ADGRV1: variants seen among roughly 807,000 people sequenced by gnomAD.
ADGRV1 encodes the protein adhesion G protein-coupled receptor V1, also known as G-protein coupled receptor 98.
Under a neutral mutation model 596.2 loss-of-function variants are expected in ADGRV1, and 359 were observed. The ratio of observed to expected loss-of-function variants is 0.60; its 90% CI spans 0.55 to 0.66. ADGRV1 has a LOEUF of 0.66. Ranked by LOEUF, ADGRV1 falls within the 30% of genes least tolerant of loss-of-function variation. The pLI is 0.00. For synonymous variants in ADGRV1, 2,681 were observed against 2,679.2 expected (o/e 1.00, Z -0.02); for missense variants, 7,274 against 7,575.6 (o/e 0.96, Z 1.48).
At chr5:91,011,667 A>AATAACT (rs1322199206) in intron 85 of ADGRV1, among the ~76,000 whole-genome samples, 4 of 151,980 alleles carry the variant, frequency 2.6e-5, no homozygotes, top group African/African-American at 9.7e-5. Context: ...TCTAACTAGT[A>AATAACT]TCATCATTAT....
At chr5:90,867,480 A>G (rs779834858) in intron 83 of ADGRV1, among the ~76,000 whole-genome samples, 1 of 152,144 alleles carries the variant, frequency 6.6e-6, no homozygotes, top group Non-Finnish European at 1.5e-5. Context: ...GTCATTTTGC[A>G]ATGTCCTGTT....
At position 90,873,314 on chromosome 5, in the gene ADGRV1, G is replaced by A. The variant is rs60554605; in HGVS notation, c.17856+9457G>A. ...TCTGCCAGGATGGGGGAGGAGCTTG[G>A]TTTCAGGCACTATGTTTTGGTTGTA... On this transcript the variant is annotated intron_variant, in intron 83 of 89. Coordinates refer to ENST00000405460, the MANE Select transcript of ADGRV1 (RefSeq NM_032119.4). 1.1e-4 allele frequency among the ~76,000 whole-genome samples: 16 copies of A among 152,246 alleles called. No homozygotes were observed. In the East Asian group the frequency reaches 2.9e-3, roughly 28 times the overall value.
intron 1 of ADGRV1, among the ~76,000 whole-genome samples, chr5:90,568,595 G>T (rs1755962022): frequency 6.6e-6 from 1 of 152,094 alleles, no homozygotes; most frequent in African/African-American, 2.4e-5. Flanking sequence ...CTGTTGTGGG[G>T]TGAAGTGTTC....
chr5:90,567,094 A>G (rs562288236), intron 1 of ADGRV1, among the ~76,000 whole-genome samples: 1 of 152,208 alleles, frequency 6.6e-6, no homozygotes, highest in Admixed American at 6.5e-5. Context: ...TTAATTTGGT[A>G]CATTGCATTA....
intron 1 of ADGRV1, among the ~76,000 whole-genome samples, chr5:90,578,164 T>TGA (rs1307341169): frequency 6.6e-6 from 1 of 152,196 alleles, no homozygotes; most frequent in Non-Finnish European, 1.5e-5. Flanking sequence ...ATAGAAGTGG[T>TGA]GAGAGGGGCA....
At chr5:90,950,689 AG>A (rs1204452598) in intron 83 of ADGRV1, among the ~76,000 whole-genome samples, 4 of 152,204 alleles carry the variant, frequency 2.6e-5, no homozygotes, top group Non-Finnish European at 5.9e-5. Flanking sequence ...AAAGAAAAAA[AG>A]GGAGTCAAAA....
Position 90,764,038 on chromosome 5 carries a change from G to A in ADGRV1, c.12285+569G>A, listed in dbSNP as rs563444709. 6.6e-5 allele frequency among the ~76,000 whole-genome samples: 10 copies of A among 152,240 alleles called. No homozygotes were observed. The South Asian group carries it at 2.1e-3, about 32-fold the overall frequency. ...GTGTGGGCTGCAGGGAGGGAAGGAT[G>A]GTAAAAAGCGATCATGTTGGAATGT... On this transcript the variant is annotated intron_variant, in intron 59 of 89. Coordinates refer to ENST00000405460, the MANE Select transcript of ADGRV1 (RefSeq NM_032119.4).
chr5:90,965,530 AGGTT>A lies in ADGRV1; in HGVS notation c.17973+3_17973+6del. 6.3e-7 allele frequency: 1 copy of A among 1,583,636 alleles called. No homozygotes were observed. The highest frequency in any genetic ancestry group is 8.7e-7 in the Non-Finnish European group (1 of 1,153,382). ...TGCCAGTTTAGCTGGATGCTCATTC[AGGTT>A]GGTACCTCATTCCCTCTCCCCGCCC... On this transcript the variant is annotated splice_donor_variant and splice_donor_region_variant and coding_sequence_variant and intron_variant, in exon 84 of 90. Transcript: ENST00000405460. LOFTEE classifies it high-confidence loss of function.
chr5:90,807,447 T>A (rs1052026966), intron 72 of ADGRV1, among the ~76,000 whole-genome samples, 155 bp from the exon 73 acceptor site: 1 of 152,206 alleles, frequency 6.6e-6, no homozygotes, highest in Non-Finnish European at 1.5e-5. Context: ...CCTGTAAGTT[T>A]ACCTCTCCCC....
intron 85 of ADGRV1, among the ~76,000 whole-genome samples, chr5:91,039,198 C>G (rs776660196): frequency 4.6e-5 from 7 of 152,150 alleles, no homozygotes; most frequent in Non-Finnish European, 1.0e-4. Flanking sequence ...AAATGTGTAG[C>G]TCATATAAGT....
At chr5:90,781,627 A>G in intron 65 of ADGRV1, 49 bp downstream of exon 65, 1 of 1,542,338 alleles carries the variant, frequency 6.5e-7, no homozygotes, top group Non-Finnish European at 8.8e-7. Flanking sequence ...CACTTTCCAA[A>G]TTACATTAGT....
chr5:90,822,488 A>G (rs1035968834), intron 75 of ADGRV1, among the ~76,000 whole-genome samples: 2 of 151,918 alleles, frequency 1.3e-5, no homozygotes, highest in Admixed American at 1.3e-4. Context: ...ATTGATCTGT[A>G]TCTCTGTTTT....
At chr5:90,756,250 C>T (rs1238193161) in intron 55 of ADGRV1, among the ~76,000 whole-genome samples, 2 of 152,054 alleles carry the variant, frequency 1.3e-5, no homozygotes, top group Non-Finnish European at 2.9e-5. Context: ...TGAAACATCA[C>T]CAGTGAGCTA....
intron 81 of ADGRV1, 66 bp from the exon 82 acceptor site, chr5:90,855,675 A>T: frequency 8.9e-7 from 1 of 1,120,510 alleles, no homozygotes; most frequent in Non-Finnish European, 1.3e-6. Context: ...ATTTTTCTTT[A>T]AAAGCCATCT....
At chr5:90,838,189 A>G (rs909103693) in intron 77 of ADGRV1, among the ~76,000 whole-genome samples, 2 of 152,180 alleles carry the variant, frequency 1.3e-5, no homozygotes, top group African/African-American at 4.8e-5. Flanking sequence ...TATTTCCTTC[A>G]GTAAGGCTTT....
chr5:90,934,771 A>G (rs1775538521), intron 83 of ADGRV1, among the ~76,000 whole-genome samples: 1 of 152,246 alleles, frequency 6.6e-6, no homozygotes, highest in African/African-American at 2.4e-5. Flanking sequence ...CTGGCAAGTA[A>G]GAGCAGGGCA....
intron 84 of ADGRV1, among the ~76,000 whole-genome samples, chr5:90,981,529 G>T (rs1317258296): frequency 6.6e-6 from 1 of 152,056 alleles, no homozygotes; most frequent in East Asian, 1.9e-4. Context: ...CTAAAGCTGT[G>T]CACGTTGGCT....
At chr5:91,004,643 G>A (rs1353089153) in intron 85 of ADGRV1, among the ~76,000 whole-genome samples, 1 of 152,110 alleles carries the variant, frequency 6.6e-6, no homozygotes, top group Non-Finnish European at 1.5e-5. Context: ...AATATAGACT[G>A]GATATAGTTG....
At chr5:90,990,494 G>A (rs1014697052) in intron 85 of ADGRV1, among the ~76,000 whole-genome samples, 2 of 152,016 alleles carry the variant, frequency 1.3e-5, no homozygotes, top group South Asian at 4.2e-4. Flanking sequence ...TTCACAATAG[G>A]GTTCATACTC....
Sources: allele counts gnomAD v4.1 joint callset (sites outside exome capture counted in the v4.1 genomes callset), GRCh38; gene constraint gnomAD v4.1.1; transcripts MANE v1.5; gene names NCBI Gene and HGNC (gene_info 2026-07-23, HGNC 2026-07-21).